Variants in PHACTR2 observed in about 807,000 individuals in gnomAD.
PHACTR2 encodes chromosome 6 open reading frame 56.
Under a neutral mutation model 76.0 loss-of-function variants are expected in PHACTR2, and 30 were observed. The ratio of observed to expected loss-of-function variants is 0.39; its 90% CI spans 0.30 to 0.54. PHACTR2 has a LOEUF of 0.54. Ranked by LOEUF, PHACTR2 falls within the 20% of genes least tolerant of loss-of-function variation. The pLI is 0.61. For missense variants in PHACTR2, 696 were observed against 781.1 expected (o/e 0.89, Z 1.30); for synonymous variants, 292 against 292.5 (o/e 1.00, Z 0.02).
At chr6:143,634,059 G>A (rs746342251) in intron 1 of PHACTR2, among the ~76,000 whole-genome samples, 9 of 152,196 alleles carry the variant, frequency 5.9e-5, no homozygotes, top group Admixed American at 2.0e-4. Flanking sequence ...ACTACGGCAG[G>A]TCTTCCAACA....
rs17073061 is a variant in PHACTR2 at position 143,775,729 on chromosome 6, A to G, written c.1589+1514A>G. On this transcript the variant is annotated intron_variant, in intron 8 of 12. Transcript: ENST00000440869. The surrounding 1 kb of genome is among the most constrained non-coding windows in gnomAD (Gnocchi z 4.4). ...TGAAGAAGAATGTAAATCATTGAAT[A>G]ATATTTGCATAAAATAATAATAGTG... Among the ~76,000 whole-genome samples the G allele has an allele frequency of 0.1, 15,189 of 152,284 alleles. 887 individuals carry two copies. Among genetic ancestry groups the G allele is most frequent in the East Asian group, 0.16 (821 of 5,188 alleles).
intron 1 of PHACTR2, among the ~76,000 whole-genome samples, chr6:143,690,761 A>C (rs565388966): frequency 3.3e-5 from 5 of 152,202 alleles, no homozygotes; most frequent in Non-Finnish European, 7.3e-5. Context: ...TCTAAAAAAT[A>C]TTTTATGGAC....
At chr6:143,790,990 A>C (rs1775673737) in intron 11 of PHACTR2, among the ~76,000 whole-genome samples, 1 of 152,148 alleles carries the variant, frequency 6.6e-6, no homozygotes, top group Non-Finnish European at 1.5e-5. Context: ...AAGATTCTTA[A>C]ACTTAATACA....
At position 143,662,510 on chromosome 6, in the gene PHACTR2, G is replaced by T. The variant is rs573679520; in HGVS notation, c.14-49506G>T. 6.6e-6 allele frequency among the ~76,000 whole-genome samples: 1 copy of T among 152,212 alleles called. No individual in the cohort carries two copies. The highest frequency in any genetic ancestry group is 1.9e-4 in the East Asian group (1 of 5,178). ...CTTCAGAAAGTAAAAATAAGTAGTG[G>T]GTAGGAGTTCTTCATCTGTTTTTAG... On this transcript the variant is annotated intron_variant, in intron 1 of 11. Transcript: ENST00000305766. This position sits in a 1 kb window ranked among gnomAD's most constrained non-coding sequence, Gnocchi z 4.7.
At position 143,827,155 on chromosome 6, in the gene PHACTR2, A is replaced by AATATATATACAT. The variant is rs1554231995; in HGVS notation, c.*3475_*3476insCATATATATATA. 37 of 77,244 alleles carry AATATATATACAT rather than the reference A, an allele frequency of 4.8e-4. No homozygotes were observed. The highest frequency in any genetic ancestry group is 7.6e-4 in the Non-Finnish European group (31 of 41,044). 4.8% of individuals were successfully genotyped at this position (77,244 alleles called of 1,614,324 possible). A position where few individuals can be genotyped will look rare whatever the true frequency, so the allele number is the denominator to read the frequency against. On this transcript the variant is annotated 3_prime_UTR_variant, in exon 13 of 13. Transcript: ENST00000440869. ...GGGCTGCGTTGGCATTAAAAAAGAAAATATATATATATATATATATATATA... is the reference window on the plus strand; with the variant it reads ...GGGCTGCGTTGGCATTAAAAAAGAAAATATATATACATATATATATATATATATATATATATA...
chr6:143,802,880 T>C lies in PHACTR2; in HGVS notation c.1846-4177T>C, dbSNP rs73778693. ...ATCAATCTTCAGTGAATTTTAAAAA[T>C]AAGCATTCTATTTCTTTAATTGCCT... On this transcript the variant is annotated intron_variant, in intron 11 of 12. Coordinates refer to ENST00000440869, the MANE Select transcript of PHACTR2 (RefSeq NM_001100164.2). Among the ~76,000 whole-genome samples the C allele has an allele frequency of 8.2e-3, 1,242 of 152,298 alleles. 17 individuals carry two copies. Among genetic ancestry groups the C allele is most frequent in the African/African-American group, 0.028 (1,174 of 41,572 alleles).
chr6:143,704,442 C>A (rs1777996034), intron 1 of PHACTR2, among the ~76,000 whole-genome samples: 1 of 152,124 alleles, frequency 6.6e-6, no homozygotes, highest in African/African-American at 2.4e-5. Flanking sequence ...ACAGTAGGCA[C>A]CGAGGCCCCT....
chr6:143,747,955 G>C (rs1779103181), intron 2 of PHACTR2, among the ~76,000 whole-genome samples: 1 of 152,146 alleles, frequency 6.6e-6, no homozygotes, highest in Non-Finnish European at 1.5e-5. Context: ...CTGCTCCGGA[G>C]CTCCCAAGCC....
intron 1 of PHACTR2, among the ~76,000 whole-genome samples, chr6:143,704,386 T>C (rs963095432): frequency 5.3e-5 from 8 of 152,262 alleles, no homozygotes; most frequent in Admixed American, 5.2e-4. Context: ...TGAAGTATAT[T>C]ACTTTCCAAA....
At chr6:143,778,323 T>C (rs1225805917) in intron 9 of PHACTR2, among the ~76,000 whole-genome samples, 1 of 152,168 alleles carries the variant, frequency 6.6e-6, no homozygotes, top group Non-Finnish European at 1.5e-5. Context: ...ATACTTTCTT[T>C]CCTTTAGGGA....
At position 143,621,977 on chromosome 6, in the gene PHACTR2, G is replaced by T. The variant is rs924450094; in HGVS notation, c.13+13655G>T. Among the ~76,000 whole-genome samples, 1 of 152,092 alleles carries T rather than the reference G, an allele frequency of 6.6e-6. No individual in the cohort carries two copies. Among genetic ancestry groups the T allele is most frequent in the Non-Finnish European group, 1.5e-5 (1 of 68,024 alleles). ...ATCTGCTGTTTTCTTCTTTTTGTGTGTGTGGTCTGGGAAACCAAATAATCA... is the reference window on the plus strand; with the variant it reads ...ATCTGCTGTTTTCTTCTTTTTGTGTTTGTGGTCTGGGAAACCAAATAATCA... On this transcript the variant is annotated intron_variant, in intron 1 of 11. Transcript: ENST00000305766. The surrounding 1 kb of genome is among the most constrained non-coding windows in gnomAD (Gnocchi z 4.1).
chr6:143,543,939 G>C lies in PHACTR2; in HGVS notation c.217+6732G>C, dbSNP rs6911378. Among the ~76,000 whole-genome samples, 57,773 of 151,936 alleles carry C rather than the reference G, an allele frequency of 0.38. 11,144 individuals carry two copies. The highest frequency in any genetic ancestry group is 0.54 in the East Asian group (2,788 of 5,160). On this transcript the variant is annotated intron_variant, in intron 1 of 11. Transcript: ENST00000367584. The surrounding 1 kb of genome is among the most constrained non-coding windows in gnomAD (Gnocchi z 4.7). ...CTGTCAGGGCTCAGAAAACAATACC[G>C]CAAAGCGTGGTGCTTTGATGTGCTG...
intron 11 of PHACTR2, among the ~76,000 whole-genome samples, chr6:143,790,383 C>T (rs931783760): frequency 6.6e-6 from 1 of 151,902 alleles, no homozygotes; most frequent in Non-Finnish European, 1.5e-5. Flanking sequence ...GGAAAAATCA[C>T]TGGAGTAGCA....
rs1299257997 is a variant in PHACTR2, at chr6:143,795,935, C to A, written c.1845+7025C>A. Reference sequence around the variant, plus strand: ...TTTTCACCGTTGATTCCTGAGTTTACGATCTAGTCTAAAATTATCCAGTGA... The same window carrying A: ...TTTTCACCGTTGATTCCTGAGTTTAAGATCTAGTCTAAAATTATCCAGTGA... On this transcript the variant is annotated intron_variant, in intron 11 of 12. Coordinates refer to ENST00000440869, the MANE Select transcript of PHACTR2 (RefSeq NM_001100164.2). This position sits in a 1 kb window ranked among gnomAD's most constrained non-coding sequence, Gnocchi z 4.8. Among the ~76,000 whole-genome samples, 1 of 152,250 alleles carries A rather than the reference C, an allele frequency of 6.6e-6. No homozygotes were observed. The highest frequency in any genetic ancestry group is 2.4e-5 in the African/African-American group (1 of 41,554).
rs1437438080 is a variant in PHACTR2 at position 143,627,881 on chromosome 6, A to T, written c.13+19559A>T. 1.3e-5 allele frequency among the ~76,000 whole-genome samples: 2 copies of T among 152,044 alleles called. No individual in the cohort carries two copies. Among genetic ancestry groups the T allele is most frequent in the African/African-American group, 4.8e-5 (2 of 41,404 alleles). ...CTCCCAAAGTACAACCACCACTTCT[A>T]TCTGGTTCCAAAGCCTTTTCATCTA... is the stretch of plus-strand genomic sequence containing the variant. On this transcript the variant is annotated intron_variant, in intron 1 of 11. Transcript: ENST00000305766. The surrounding 1 kb of genome is among the most constrained non-coding windows in gnomAD (Gnocchi z 4.3).
At chr6:143,614,789 A>G (rs1347519135) in intron 1 of PHACTR2, among the ~76,000 whole-genome samples, 1 of 152,214 alleles carries the variant, frequency 6.6e-6, no homozygotes, top group Non-Finnish European at 1.5e-5. Flanking sequence ...TGAAGTAAAG[A>G]AAGAAAGGGA....
In PHACTR2 at chr6:143,764,330, G is replaced by A. The variant is rs1415948741; in HGVS notation, c.695-931G>A. ...AGCCCAGGAGTTCAAGACCAGCCTG[G>A]GCAACATGACAAAACCCTGTCTCAA... On this transcript the variant is annotated intron_variant, in intron 5 of 12. Coordinates refer to ENST00000440869, the MANE Select transcript of PHACTR2 (RefSeq NM_001100164.2). This position sits in a 1 kb window ranked among gnomAD's most constrained non-coding sequence, Gnocchi z 4.7. Among the ~76,000 whole-genome samples the A allele has an allele frequency of 2.0e-5, 3 of 151,898 alleles. No individual in the cohort carries two copies. Among genetic ancestry groups the A allele is most frequent in the Non-Finnish European group, 4.4e-5 (3 of 68,000 alleles).
Position 143,809,367 on chromosome 6 carries a change from G to T in PHACTR2, c.1922+2234G>T, listed in dbSNP as rs911038069. ...TTGTGGGGGTATTTTTTGTTTTTTT[G>T]TTTGTTTGTTTGTTTGTTTTTTTAG... On this transcript the variant is annotated intron_variant, in intron 12 of 12. Coordinates refer to ENST00000440869, the MANE Select transcript of PHACTR2 (RefSeq NM_001100164.2). The surrounding 1 kb of genome is among the most constrained non-coding windows in gnomAD (Gnocchi z 4.2). 3.3e-5 allele frequency among the ~76,000 whole-genome samples: 5 copies of T among 151,604 alleles called. No individual in the cohort carries two copies. The highest frequency in any genetic ancestry group is 2.0e-4 in the East Asian group (1 of 5,092).
chr6:143,666,457 T>A (rs879028476), intron 1 of PHACTR2, among the ~76,000 whole-genome samples: 1 of 152,220 alleles, frequency 6.6e-6, no homozygotes, highest in Non-Finnish European at 1.5e-5. Context: ...CACCACAGTG[T>A]CTTCCACAAT....
Sources: gnomAD v4.1 joint callset for allele counts (sites outside exome capture counted in the v4.1 genomes callset) on GRCh38, gnomAD v4.1.1 for gene constraint, Gnocchi (gnomAD v3.1) non-coding constraint, MANE v1.5 for transcripts, NCBI Gene and HGNC (gene_info 2026-07-23, HGNC 2026-07-21) for gene names.